TAF1C: variants seen among roughly 807,000 people sequenced by gnomAD.
The protein encoded by TAF1C is TATA box-binding protein-associated factor RNA polymerase I subunit C.
TAF1C carries 79 observed loss-of-function variants against 70.5 expected under a neutral mutation model. That is an observed-to-expected ratio of 1.12 (90% CI 0.93 to 1.35). TAF1C has a LOEUF of 1.35. Among genes scored for constraint, TAF1C ranks in the 40% most tolerant of loss-of-function variants. The pLI is 0.00. For missense variants in TAF1C, 1,412 were observed against 1,127.8 expected (o/e 1.25, Z -3.61); for synonymous variants, 614 against 491.1 (o/e 1.25, Z -3.31).
At position 84,182,260 on chromosome 16, in the gene TAF1C, T is replaced by A; in HGVS notation, c.663A>T (p.Gly221=). Residue 221 remains glycine (G), a synonymous_variant, in exon 7 of 15, where the codon GGA becomes GGT. Transcript: ENST00000566732. The surrounding 1 kb of genome is among the most constrained non-coding windows in gnomAD (Gnocchi z 5.0). The part of the protein sequence containing the change: ...CTGGALAWVP[G]RTPQFGQLVY... ...CCAGCTGCCCGAACTGGGGTGTCCT[T>A]CCAGGAACCCAGGCCAGCGCGCCCC... is the stretch of plus-strand genomic sequence containing the variant. 1.9e-6 allele frequency: 3 copies of A among 1,613,032 alleles called. No individual in the cohort carries two copies. The highest frequency in any genetic ancestry group is 2.5e-6 in the Non-Finnish European group (3 of 1,179,986).
chr16:84,180,404 C>T, intron 12 of TAF1C, 60 bp from the exon 13 acceptor site: 1 of 1,486,920 alleles, frequency 6.7e-7, no homozygotes, highest in Admixed American at 2.5e-5. Context: ...GTGTAGTGGC[C>T]CTCCAGGCCC....
chr16:84,178,595 G>A lies in TAF1C; in HGVS notation c.*346C>T, dbSNP rs1270671780. The A allele has an allele frequency of 2.3e-6, 1 of 427,272 alleles. No individual in the cohort carries two copies. The highest frequency in any genetic ancestry group is 4.5e-6 in the Non-Finnish European group (1 of 222,532). The allele number at this position is 427,272 out of a possible 1,614,324, so 26.5% of individuals were successfully genotyped here. ...CTCCTGGCCCCCATTCCACTGGACA[G>A]GAAGGCGTGAGAACTGAGGGACCTG... On this transcript the variant is annotated 3_prime_UTR_variant, in exon 15 of 15. Coordinates refer to ENST00000566732, the MANE Select transcript of TAF1C (RefSeq NM_001243156.2).
intron 1 of TAF1C, 178 bp from the exon 2 acceptor site, chr16:84,185,238 G>A (rs1659233365): frequency 5.1e-6 from 2 of 393,162 alleles, no homozygotes; most frequent in Admixed American, 4.3e-5. Flanking sequence ...AGCCAGCCAG[G>A]AAAAGCCTCG....
chr16:84,180,952 G>A, intron 12 of TAF1C, 91 bp downstream of exon 12: 1 of 1,475,580 alleles, frequency 6.8e-7, no homozygotes, highest in South Asian at 1.4e-5. Flanking sequence ...GTGGTTGTCT[G>A]GGCCCAGCAG....
intron 1 of TAF1C, among the ~76,000 whole-genome samples, chr16:84,186,105 A>G (rs1361961581): frequency 6.6e-6 from 1 of 152,264 alleles, no homozygotes; most frequent in Non-Finnish European, 1.5e-5. Context: ...AACAGAGTTC[A>G]GGAAACGAAG....
intron 3 of TAF1C, 44 bp downstream of exon 3, chr16:84,183,653 A>G (rs760114684): frequency 1.3e-6 from 2 of 1,576,922 alleles, no homozygotes; most frequent in Non-Finnish European, 1.7e-6. Flanking sequence ...TGGGAAGAAT[A>G]GGTGGAGCAG....
At position 84,181,283 on chromosome 16, in the gene TAF1C, G is replaced by T. The variant is rs202096067; in HGVS notation, c.1164+45C>A. On this transcript the variant is annotated intron_variant, in intron 11 of 14. Coordinates refer to ENST00000566732, the MANE Select transcript of TAF1C (RefSeq NM_001243156.2). Reference sequence around the variant, plus strand: ...GCCAGCCTGGGACTCACCGCTCTGCGGCCGCTCCCGCAGTCGGGGTGGGTC... The same window carrying T: ...GCCAGCCTGGGACTCACCGCTCTGCTGCCGCTCCCGCAGTCGGGGTGGGTC... 3 of 1,607,414 alleles carry T rather than the reference G, an allele frequency of 1.9e-6. No homozygotes were observed. The African/African-American group carries it at 4.0e-5, about 21-fold the overall frequency.
At position 84,177,933 on chromosome 16, in the gene TAF1C, T is replaced by C. The variant is rs935801539; in HGVS notation, c.*1008A>G. ...TTTAACACCCACGCGAGTCAGTGTA[T>C]GATTGGGCTAGCTCCTGTTTGTGTG... On this transcript the variant is annotated 3_prime_UTR_variant, in exon 15 of 15. Transcript: ENST00000566732. 5.1e-5 allele frequency: 55 copies of C among 1,073,362 alleles called. No homozygotes were observed. The highest frequency in any genetic ancestry group is 4.8e-4 in the Middle Eastern group (2 of 4,170). The allele number at this position is 1,073,362 out of a possible 1,614,324, so 66.5% of individuals were successfully genotyped here.
At chr16:84,181,245 C>T (rs1298553651) in intron 11 of TAF1C, 59 bp from the exon 12 acceptor site, 31 of 1,596,382 alleles carry the variant, frequency 1.9e-5, no homozygotes, top group Admixed American at 1.2e-4. Flanking sequence ...ACGCTGTCCT[C>T]GCCCAGGCCG....
In TAF1C at chr16:84,183,517, A is replaced by T. The variant is rs745764280; in HGVS notation, c.221-10T>A. 3 of 1,604,986 alleles carry T rather than the reference A, an allele frequency of 1.9e-6. No homozygotes were observed. Among genetic ancestry groups the T allele is most frequent in the African/African-American group, 1.3e-5 (1 of 74,890 alleles). ...CCAGGGTCCCAGGGATCTGAGAAGG[A>T]GGTTACGGAAAGGGCTGGGGAGGGC... On this transcript the variant is annotated splice_polypyrimidine_tract_variant and intron_variant, in intron 3 of 14. Transcript: ENST00000566732.
In TAF1C at chr16:84,183,779, C is replaced by G; in HGVS notation, c.139-1G>C. The G allele has an allele frequency of 6.2e-7, 1 of 1,608,288 alleles. No homozygotes were observed. The highest frequency in any genetic ancestry group is 8.5e-7 in the Non-Finnish European group (1 of 1,175,784). ...CCTTGGTCACATGCAGTGCCCCATT[C>G]TGAAGGGAGGACAATCGCAAGGACA... On this transcript the variant is annotated splice_acceptor_variant, in intron 2 of 14. Transcript: ENST00000566732. LOFTEE classifies it high-confidence loss of function.
At chr16:84,181,919 G>C in intron 8 of TAF1C, 23 bp downstream of exon 8, 1 of 1,614,120 alleles carries the variant, frequency 6.2e-7, no homozygotes, top group Non-Finnish European at 8.5e-7. Flanking sequence ...AGTGAGGGAG[G>C]AAAGTGTATA....
chr16:84,183,360 T>C lies in TAF1C; in HGVS notation c.319-27A>G, dbSNP rs768208718. 31 of 1,613,738 alleles carry C rather than the reference T, an allele frequency of 1.9e-5. No individual in the cohort carries two copies. The Admixed American group carries it at 4.0e-4, about 21-fold the overall frequency. On this transcript the variant is annotated intron_variant, in intron 4 of 14. Coordinates refer to ENST00000566732, the MANE Select transcript of TAF1C (RefSeq NM_001243156.2). ...TGGGGAGAAGAGGAGGCCAGGTCACTAAGCACAGTCTCCAGGCTACGCAGC... is the reference window on the plus strand; with the variant it reads ...TGGGGAGAAGAGGAGGCCAGGTCACCAAGCACAGTCTCCAGGCTACGCAGC...
chr16:84,182,507 G>A lies in TAF1C; in HGVS notation c.483-67C>T. The A allele has an allele frequency of 6.9e-7, 1 of 1,441,072 alleles. No individual in the cohort carries two copies. The highest frequency in any genetic ancestry group is 1.3e-5 in the South Asian group (1 of 78,984). The allele number at this position is 1,441,072 out of a possible 1,614,324, so 89.3% of individuals were successfully genotyped here. On this transcript the variant is annotated intron_variant, in intron 6 of 14. Coordinates refer to ENST00000566732, the MANE Select transcript of TAF1C (RefSeq NM_001243156.2). This position sits in a 1 kb window ranked among gnomAD's most constrained non-coding sequence, Gnocchi z 5.0. ...CAGGGGAGGACAGGTCCCATCCCAA[G>A]GAGGCCAAGTGCAGTGGACACATTT...
In TAF1C at chr16:84,179,433, G is replaced by A. The variant is rs747616536; in HGVS notation, c.2040C>T (p.Pro680=). ...CCTCTAGGCCTGACTCGGGTGCAGG[G>A]GGTGGCTCTGCCGCAGGGAGGGAGC... The part of the protein sequence containing the change: ...DLGSLPAAEP[P]PAPESGLEDK... Residue 680 remains proline (P), a synonymous_variant, in exon 15 of 15, where the codon CCC becomes CCT. Coordinates refer to ENST00000566732, the MANE Select transcript of TAF1C (RefSeq NM_001243156.2). The A allele has an allele frequency of 3.8e-6, 6 of 1,596,958 alleles. No individual in the cohort carries two copies. Among genetic ancestry groups the A allele is most frequent in the Middle Eastern group, 1.6e-4 (1 of 6,070 alleles).
In TAF1C at chr16:84,184,890, G is replaced by A. The variant is rs758581352; in HGVS notation, c.99C>T (p.Asp33=). 67 of 1,611,802 alleles carry A rather than the reference G, an allele frequency of 4.2e-5. No homozygotes were observed. Among genetic ancestry groups the A allele is most frequent in the Non-Finnish European group, 4.9e-5 (58 of 1,179,106 alleles). The change falls in exon 2 of 15, where the codon GAC becomes GAT. Residue 33 remains aspartate, a synonymous_variant. Coordinates refer to ENST00000566732, the MANE Select transcript of TAF1C (RefSeq NM_001243156.2). The part of the protein sequence containing the change: ...PDLSFMCSWR[D]ALTLPEAQPQ... The stretch of plus-strand genomic sequence containing the variant: ...GCTGGGCCTCTGGCAGAGTCAGTGC[G>A]TCTCGCCAGCTGCACATGAAAGAGA...
chr16:84,181,882 G>A lies in TAF1C; in HGVS notation c.839-19C>T. 6.2e-7 allele frequency: 1 copy of A among 1,614,156 alleles called. No individual in the cohort carries two copies. Among genetic ancestry groups the A allele is most frequent in the Non-Finnish European group, 8.5e-7 (1 of 1,180,012 alleles). ...AGCAGAGCTGAGGAGGGATGGAAAG[G>A]GCCAGGGGTCAGGTAGCAGGTCAGC... On this transcript the variant is annotated intron_variant, in intron 8 of 14. Transcript: ENST00000566732.
chr16:84,179,749 G>C lies in TAF1C; in HGVS notation c.1724C>G (p.Pro575Arg). The C allele has an allele frequency of 6.2e-7, 1 of 1,610,410 alleles. No individual in the cohort carries two copies. Among genetic ancestry groups the C allele is most frequent in the Non-Finnish European group, 8.5e-7 (1 of 1,179,178 alleles). The change falls in exon 15 of 15, where the codon CCC (proline) becomes CGC (arginine). Residue 575 changes from proline (P) to arginine (R), a missense_variant. Transcript: ENST00000566732. ...AGDVFYQQLR[P>R]QVDSSLRRDA... ...TCTGCGGAGGCTGGAGTCCACCTGG[G>C]GGCGGAGCTGCTGGTAGAAGACATC...
At chr16:84,184,236 A>T (rs2089362112) in intron 2 of TAF1C, among the ~76,000 whole-genome samples, 1 of 152,328 alleles carries the variant, frequency 6.6e-6, no homozygotes, top group East Asian at 1.9e-4. Context: ...CCAGACTCCC[A>T]GAGGAGCCCC....
Sources: gnomAD v4.1 joint callset for allele counts (sites outside exome capture counted in the v4.1 genomes callset) on GRCh38, gnomAD v4.1.1 for gene constraint, Gnocchi (gnomAD v3.1) non-coding constraint, MANE v1.5 for transcripts, NCBI Gene and HGNC (gene_info 2026-07-23, HGNC 2026-07-21) for gene names.